The following TMOD1 variants were observed in gnomAD, a reference collection of about 807,000 sequenced individuals.
The protein encoded by TMOD1 is tropomodulin-1.
In TMOD1, 17 loss-of-function variants were observed where a neutral mutation model predicts 40.6. The observed-to-expected ratio is 0.42, with a 90% confidence interval of 0.29 to 0.63. The LOEUF (loss-of-function observed/expected upper bound fraction) is 0.63. Ranked by LOEUF, TMOD1 falls within the 20% of genes least tolerant of loss-of-function variation. The pLI is 0.22. For synonymous variants in TMOD1, 181 were observed against 175.0 expected (o/e 1.03, Z -0.27); for missense variants, 391 against 447.6 (o/e 0.87, Z 1.14).
At chr9:97,527,338 C>T (rs948302702) in intron 2 of TMOD1, among the ~76,000 whole-genome samples, 1 of 152,238 alleles carries the variant, frequency 6.6e-6, no homozygotes, top group Non-Finnish European at 1.5e-5. Flanking sequence ...ACCAACAGGG[C>T]AGCCTGGCTG....
At chr9:97,577,805 C>T (rs1032937754) in intron 8 of TMOD1, among the ~76,000 whole-genome samples, 15 of 152,162 alleles carry the variant, frequency 9.9e-5, no homozygotes, top group African/African-American at 2.7e-4. Flanking sequence ...ATGAAAATAA[C>T]GATAGTAGTT....
In TMOD1 at chr9:97,553,360, C is replaced by G; in HGVS notation, c.357C>G (p.Ala119=). Residue 119 remains alanine (A), a synonymous_variant, in exon 4 of 10, where the codon GCC becomes GCG. Transcript: ENST00000259365. The stretch of plus-strand genomic sequence containing the variant: ...CGCTGGAACCGGAGCTGGAGGAAGC[C>G]TTGGCAAATGCTTCAGATGCAGAAC... The part of the protein sequence containing the change: ...SVTLEPELEE[A]LANASDAELC... 1 of 1,614,178 alleles carries G rather than the reference C, an allele frequency of 6.2e-7. No homozygotes were observed. Among genetic ancestry groups the G allele is most frequent in the Non-Finnish European group, 8.5e-7 (1 of 1,180,026 alleles).
chr9:97,525,841 G>C (rs1434854336), intron 2 of TMOD1, among the ~76,000 whole-genome samples: 1 of 152,190 alleles, frequency 6.6e-6, no homozygotes, highest in Non-Finnish European at 1.5e-5. Context: ...CATTTTAATG[G>C]AATTGTTGTG....
chr9:97,503,670 C>A (rs1335367612), intron 1 of TMOD1, among the ~76,000 whole-genome samples: 2 of 152,206 alleles, frequency 1.3e-5, no homozygotes, highest in African/African-American at 2.4e-5. Flanking sequence ...GGTCTCACAC[C>A]TTCTCCCTCC....
intron 8 of TMOD1, among the ~76,000 whole-genome samples, chr9:97,574,793 C>A (rs761291531): frequency 5.3e-5 from 8 of 152,250 alleles, no homozygotes; most frequent in Non-Finnish European, 1.0e-4. Flanking sequence ...ACACCTGTAT[C>A]TAGCTACTCT....
At chr9:97,515,572 G>A (rs142734416) in intron 1 of TMOD1, among the ~76,000 whole-genome samples, 24 of 152,280 alleles carry the variant, frequency 1.6e-4, no homozygotes, top group East Asian at 7.7e-4. Context: ...GAGCCACCAC[G>A]CTCAGCCTAT....
At chr9:97,555,485 GA>G in intron 4 of TMOD1, 1 of 1,437,558 alleles carries the variant, frequency 7.0e-7, no homozygotes, top group East Asian at 2.5e-5. Flanking sequence ...TGGCTTTCTT[GA>G]AACTACTTCT....
intron 8 of TMOD1, among the ~76,000 whole-genome samples, chr9:97,581,269 T>C (rs1416162235): frequency 2.4e-4 from 35 of 143,780 alleles, no homozygotes; most frequent in Non-Finnish European, 5.2e-4. Context: ...CTTGCGATAG[T>C]TTACTGAGAA....
At chr9:97,526,067 C>T (rs549208919) in intron 2 of TMOD1, among the ~76,000 whole-genome samples, 1 of 152,308 alleles carries the variant, frequency 6.6e-6, no homozygotes, top group South Asian at 2.1e-4. Context: ...CATATACAGC[C>T]TTCTGGAGAA....
chr9:97,502,986 G>A lies in TMOD1; in HGVS notation c.-49+1183G>A, dbSNP rs1829530275. 1.3e-5 allele frequency among the ~76,000 whole-genome samples: 2 copies of A among 152,052 alleles called. No homozygotes were observed. ...GCTACTATTACAGACCCTGTCTCCAGCCCTCGCCCTATGCCCTCAGACTCT... is the reference window on the plus strand; with the variant it reads ...GCTACTATTACAGACCCTGTCTCCAACCCTCGCCCTATGCCCTCAGACTCT... On this transcript the variant is annotated intron_variant, in intron 1 of 9. Transcript: ENST00000259365. The surrounding 1 kb of genome is among the most constrained non-coding windows in gnomAD (Gnocchi z 6.1).
chr9:97,551,685 A>G (rs1294005517), intron 3 of TMOD1, among the ~76,000 whole-genome samples: 5 of 152,216 alleles, frequency 3.3e-5, no homozygotes, highest in Non-Finnish European at 7.3e-5. Flanking sequence ...CCGTAATTCC[A>G]TATGAATTTA....
chr9:97,533,359 A>G (rs1212769989), intron 2 of TMOD1, among the ~76,000 whole-genome samples: 1 of 152,252 alleles, frequency 6.6e-6, no homozygotes, highest in Non-Finnish European at 1.5e-5. Context: ...GCCTGAGTAT[A>G]TGATTTGTCC....
chr9:97,543,058 C>G (rs1411898804), intron 2 of TMOD1, among the ~76,000 whole-genome samples: 1 of 152,148 alleles, frequency 6.6e-6, no homozygotes, highest in African/African-American at 2.4e-5. Flanking sequence ...AGAAACTCTG[C>G]TTTAACTAAA....
Position 97,531,503 on chromosome 9 carries a change from TG to T in TMOD1, c.120+7198del, listed in dbSNP as rs368957028. Reference sequence around the variant, plus strand: ...GTGCGCAACTGTAATCCCAGCTACTTGGGAGGCTGAGGCAGGAGAATTGTTC... The same window carrying T: ...GTGCGCAACTGTAATCCCAGCTACTTGGAGGCTGAGGCAGGAGAATTGTTC... On this transcript the variant is annotated intron_variant, in intron 2 of 9. Transcript: ENST00000259365. Among the ~76,000 whole-genome samples the T allele has an allele frequency of 2.0e-3, 301 of 152,090 alleles. 2 individuals are homozygous for T. Among genetic ancestry groups the T allele is most frequent in the African/African-American group, 6.8e-3 (283 of 41,472 alleles).
chr9:97,551,016 T>TATATATATATA (rs1563987965), intron 3 of TMOD1, among the ~76,000 whole-genome samples: 19 of 5,528 alleles, frequency 3.4e-3, no homozygotes, highest in African/African-American at 0.012. Context: ...ATATATATAT[T>TATATATATATA]TTTTTTTTTT....
intron 9 of TMOD1, among the ~76,000 whole-genome samples, chr9:97,595,556 A>G (rs1034797769): frequency 1.4e-5 from 2 of 147,054 alleles, no homozygotes; most frequent in African/African-American, 5.2e-5. Context: ...TTTTTTTTAA[A>G]GAAAAGGCTG....
At chr9:97,508,230 C>T (rs1465806814) in intron 1 of TMOD1, among the ~76,000 whole-genome samples, 2 of 151,902 alleles carry the variant, frequency 1.3e-5, no homozygotes, top group Non-Finnish European at 2.9e-5. Context: ...GCTCTGTCAC[C>T]CAGGCTGGAG....
At chr9:97,585,003 C>T (rs1245270643) in intron 8 of TMOD1, among the ~76,000 whole-genome samples, 4 of 152,252 alleles carry the variant, frequency 2.6e-5, no homozygotes, top group South Asian at 2.1e-4. Context: ...AGTCCATTTA[C>T]ATTTAAAGTT....
In TMOD1 at chr9:97,601,424, G is replaced by A; in HGVS notation, c.*1726G>A. The stretch of plus-strand genomic sequence containing the variant: ...GGCTCAAATGTCACCGAGCTTATAT[G>A]AAGCTCCCAGAGAGAACATTTAAAA... On this transcript the variant is annotated 3_prime_UTR_variant, in exon 10 of 10. Coordinates refer to ENST00000259365, the MANE Select transcript of TMOD1 (RefSeq NM_003275.4). 9.6e-7 allele frequency: 1 copy of A among 1,037,540 alleles called. No individual in the cohort carries two copies. Among genetic ancestry groups the A allele is most frequent in the East Asian group, 1.0e-4 (1 of 9,784 alleles). The allele number at this position is 1,037,540 out of a possible 1,614,324, so 64.3% of individuals were successfully genotyped here. A position where few individuals can be genotyped will look rare whatever the true frequency, so the allele number is the denominator to read the frequency against.
Sources: gnomAD v4.1 joint callset for allele counts (sites outside exome capture counted in the v4.1 genomes callset) on GRCh38, gnomAD v4.1.1 for gene constraint, Gnocchi (gnomAD v3.1) non-coding constraint, MANE v1.5 for transcripts, NCBI Gene and HGNC (gene_info 2026-07-23, HGNC 2026-07-21) for gene names.